The following ZBTB7C variants were observed in gnomAD, a reference collection of about 807,000 sequenced individuals.
ZBTB7C encodes zinc finger and BTB domain-containing protein 7C.
Under a neutral mutation model 25.7 loss-of-function variants are expected in ZBTB7C, and 8 were observed. The observed-to-expected ratio is 0.31, with a 90% CI of 0.18 to 0.56. The LOEUF (loss-of-function observed/expected upper bound fraction) is 0.56, where lower values mean the gene tolerates loss of function less well. Among genes scored for constraint, ZBTB7C ranks in the 20% least tolerant of loss-of-function variants. ZBTB7C has a pLI of 0.91. For missense variants in ZBTB7C, 824 were observed against 855.2 expected, an observed-to-expected ratio of 0.96 and a Z score of 0.46; for synonymous variants, 394 against 369.0, an observed-to-expected ratio of 1.07 and a Z score of -0.78.
At chr18:48,390,816 T>A (rs1237118788) in intron 1 of ZBTB7C, among the ~76,000 whole-genome samples, 2 of 152,236 alleles carry the variant, frequency 1.3e-5, no homozygotes, top group African/African-American at 2.4e-5. Flanking sequence ...CTGGTCCCCG[T>A]GGCGGCTGGA....
At chr18:48,345,145 T>C (rs1026111310) in intron 1 of ZBTB7C, among the ~76,000 whole-genome samples, 1 of 152,212 alleles carries the variant, frequency 6.6e-6, no homozygotes, top group African/African-American at 2.4e-5. Flanking sequence ...CACCTCTCAC[T>C]ATAGCAACAG....
intron 3 of ZBTB7C, among the ~76,000 whole-genome samples, chr18:48,152,567 A>G (rs895876611): frequency 2.0e-5 from 3 of 152,226 alleles, no homozygotes; most frequent in African/African-American, 7.2e-5. Context: ...TGCCACCTAC[A>G]TTTCTTATTT....
chr18:48,121,451 A>C (rs2144722765), intron 3 of ZBTB7C, among the ~76,000 whole-genome samples: 1 of 152,108 alleles, frequency 6.6e-6, no homozygotes, highest in African/African-American at 2.4e-5. Flanking sequence ...ATTAAAGGCA[A>C]ATTTAAGCGA....
At chr18:48,098,952 C>T (rs774334905) in intron 3 of ZBTB7C, among the ~76,000 whole-genome samples, 12 of 152,176 alleles carry the variant, frequency 7.9e-5, no homozygotes, top group Non-Finnish European at 1.6e-4. Context: ...ACAAAGAAAC[C>T]TGAGTCCTGA....
chr18:48,227,319 C>T (rs1335884940), intron 2 of ZBTB7C, among the ~76,000 whole-genome samples: 1 of 152,242 alleles, frequency 6.6e-6, no homozygotes, highest in Non-Finnish European at 1.5e-5. Flanking sequence ...GTTTAGAGGG[C>T]ACCTTCAAAA....
chr18:48,212,205 C>A (rs2042717921), intron 2 of ZBTB7C, among the ~76,000 whole-genome samples: 1 of 151,964 alleles, frequency 6.6e-6, no homozygotes, highest in Admixed American at 6.6e-5. Context: ...TAATTAAAAA[C>A]ATATATATAT....
At chr18:48,403,113 C>T (rs551443935) in intron 1 of ZBTB7C, among the ~76,000 whole-genome samples, 21 of 152,238 alleles carry the variant, frequency 1.4e-4, no homozygotes, top group African/African-American at 4.8e-4. Context: ...ATGAATGAAG[C>T]GGGTGGAAAA....
chr18:48,045,230 T>A (rs1453813474), intron 3 of ZBTB7C, among the ~76,000 whole-genome samples: 1 of 152,216 alleles, frequency 6.6e-6, no homozygotes, highest in African/African-American at 2.4e-5. Flanking sequence ...CCTCAGGGGC[T>A]GGAATGTGGA....
intron 2 of ZBTB7C, among the ~76,000 whole-genome samples, chr18:48,284,113 C>G (rs2044957519): frequency 6.6e-6 from 1 of 151,948 alleles, no homozygotes; most frequent in Non-Finnish European, 1.5e-5. Flanking sequence ...CACCACTGCA[C>G]TTCAGCCTGG....
chr18:48,389,189 ACTCTCTCTCTCTCTCTCTCTCT>A (rs757520664), intron 1 of ZBTB7C, among the ~76,000 whole-genome samples: 10 of 64,118 alleles, frequency 1.6e-4, no homozygotes, highest in Non-Finnish European at 2.8e-4. Context: ...GAGCCCTTTA[ACTCTCTCTCTCTCTCTCTCTCT>A]CTCTCTCTCT....
At chr18:48,372,080 C>A (rs1422402020) in intron 1 of ZBTB7C, among the ~76,000 whole-genome samples, 1 of 152,172 alleles carries the variant, frequency 6.6e-6, no homozygotes, top group African/African-American at 2.4e-5. Flanking sequence ...CTCCCCTCAC[C>A]CCAGGGCTGC....
At chr18:48,092,068 C>T (rs1428894117) in intron 3 of ZBTB7C, among the ~76,000 whole-genome samples, 1 of 152,158 alleles carries the variant, frequency 6.6e-6, no homozygotes, top group African/African-American at 2.4e-5. Flanking sequence ...CATTAACATG[C>T]TGATATTGCA....
In ZBTB7C at chr18:48,246,845, C is replaced by T. The variant is rs144306893; in HGVS notation, c.-78-60850G>A. 6.0e-4 allele frequency among the ~76,000 whole-genome samples: 91 copies of T among 152,276 alleles called. No individual in the cohort carries two copies. In the East Asian group the frequency reaches 9.3e-3, roughly 15 times the overall value. On this transcript the variant is annotated intron_variant, in intron 2 of 4. Coordinates refer to ENST00000590800, the MANE Select transcript of ZBTB7C (RefSeq NM_001318841.2). ...ATGCACACACACCCTGGCCTCTGCCCCACAGCTCTCTGGACCACAGTCAGG... is the reference window on the plus strand; with the variant it reads ...ATGCACACACACCCTGGCCTCTGCCTCACAGCTCTCTGGACCACAGTCAGG...
intron 2 of ZBTB7C, among the ~76,000 whole-genome samples, chr18:48,223,678 A>AG (rs1200410615): frequency 6.6e-6 from 1 of 152,218 alleles, no homozygotes; most frequent in African/African-American, 2.4e-5. Context: ...CTCAGGTCTC[A>AG]GTTCCAGTTC....
chr18:48,083,503 G>T (rs1186786265), intron 3 of ZBTB7C, among the ~76,000 whole-genome samples: 1 of 151,822 alleles, frequency 6.6e-6, no homozygotes, highest in Non-Finnish European at 1.5e-5. Context: ...TAAATGCAAA[G>T]CATTTCTCTC....
At chr18:48,071,774 T>TTA (rs1568194590) in intron 3 of ZBTB7C, among the ~76,000 whole-genome samples, 3 of 152,228 alleles carry the variant, frequency 2.0e-5, no homozygotes, top group Admixed American at 2.0e-4. Context: ...AAACCAAATG[T>TTA]GATATATACA....
chr18:48,324,208 A>T, intron 2 of ZBTB7C, among the ~76,000 whole-genome samples: 1 of 152,102 alleles, frequency 6.6e-6, no homozygotes, highest in Admixed American at 6.5e-5. Context: ...AAGCATGTAA[A>T]CAGGGGCCCA....
chr18:48,307,237 T>C (rs545044358), intron 2 of ZBTB7C, among the ~76,000 whole-genome samples: 2 of 152,300 alleles, frequency 1.3e-5, no homozygotes, highest in South Asian at 4.1e-4. Flanking sequence ...TATGTCCCCT[T>C]CCAGGCTCCG....
chr18:48,070,916 A>C (rs1283411700), intron 3 of ZBTB7C, among the ~76,000 whole-genome samples: 1 of 152,142 alleles, frequency 6.6e-6, no homozygotes, highest in East Asian at 1.9e-4. Context: ...AACCCAGCCC[A>C]AGCAGTAAAA....
Sources: allele counts gnomAD v4.1 joint callset (sites outside exome capture counted in the v4.1 genomes callset), GRCh38; gene constraint gnomAD v4.1.1; transcripts MANE v1.5; gene names NCBI Gene and HGNC (gene_info 2026-07-23, HGNC 2026-07-21).